Variants in NR3C2 observed in about 807,000 individuals in gnomAD.
NR3C2 encodes the protein nuclear receptor subfamily 3 group C member 2.
A neutral mutation model predicts 86.4 loss-of-function variants in NR3C2; 15 were observed. That is an observed-to-expected ratio of 0.17 (90% CI 0.12 to 0.27). The LOEUF is 0.27. Among genes scored for constraint, NR3C2 ranks in the 10% least tolerant of loss-of-function variants. The pLI is 1.00. For synonymous variants in NR3C2, 458 were observed against 450.5 expected, an observed-to-expected ratio of 1.02 and a Z score of -0.21; for missense variants, 960 against 1,195.6, an observed-to-expected ratio of 0.80 and a Z score of 2.91.
intron 3 of NR3C2, among the ~76,000 whole-genome samples, chr4:148,240,933 T>C (rs1460957522): frequency 5.9e-5 from 9 of 152,132 alleles, no homozygotes; most frequent in Admixed American, 1.3e-4. Flanking sequence ...GATTTCCTGT[T>C]AGGATGAGGT....
At chr4:148,139,734 A>C (rs1351902430) in intron 6 of NR3C2, among the ~76,000 whole-genome samples, 1 of 152,202 alleles carries the variant, frequency 6.6e-6, no homozygotes, top group East Asian at 1.9e-4. Flanking sequence ...GGGTCTCCAA[A>C]TATGACCTTC....
intron 2 of NR3C2, among the ~76,000 whole-genome samples, chr4:148,406,370 G>A (rs529206428): frequency 1.3e-5 from 2 of 152,216 alleles, no homozygotes; most frequent in East Asian, 1.9e-4. Flanking sequence ...GTCAGAGTTC[G>A]GAATGCCTTC....
intron 2 of NR3C2, among the ~76,000 whole-genome samples, chr4:148,402,469 G>C (rs1311541500): frequency 1.3e-5 from 2 of 152,186 alleles, no homozygotes; most frequent in African/African-American, 4.8e-5. Flanking sequence ...CAGGTTTACT[G>C]TAAGACATAA....
intron 3 of NR3C2, among the ~76,000 whole-genome samples, chr4:148,256,425 T>C (rs1739836374): frequency 6.6e-6 from 1 of 152,212 alleles, no homozygotes; most frequent in Non-Finnish European, 1.5e-5. Context: ...AGGATAGTAA[T>C]AATCTAGTAT....
chr4:148,204,481 G>T (rs1736900209), intron 3 of NR3C2, among the ~76,000 whole-genome samples: 1 of 152,064 alleles, frequency 6.6e-6, no homozygotes, highest in Non-Finnish European at 1.5e-5. Flanking sequence ...AAATCCTATG[G>T]GGGGAGTCCT....
chr4:148,325,392 G>A (rs1743910579), intron 2 of NR3C2, among the ~76,000 whole-genome samples: 1 of 152,204 alleles, frequency 6.6e-6, no homozygotes, highest in Non-Finnish European at 1.5e-5. Flanking sequence ...CTGTGTATGT[G>A]TGTTTTAACT....
At chr4:148,317,759 T>C (rs1314323579) in intron 2 of NR3C2, among the ~76,000 whole-genome samples, 1 of 97,570 alleles carries the variant, frequency 1.0e-5, no homozygotes, top group Non-Finnish European at 2.0e-5. Context: ...CTAATAGATC[T>C]GCAGAAAAAG....
chr4:148,152,719 C>G (rs1181949431), intron 5 of NR3C2, 106 bp from the exon 6 acceptor site: 22 of 1,125,302 alleles, frequency 2.0e-5, no homozygotes, highest in Non-Finnish European at 1.3e-5. Flanking sequence ...TTTCACTTTT[C>G]TCTTTTCTGA....
chr4:148,353,936 T>C (rs1745426286), intron 2 of NR3C2, among the ~76,000 whole-genome samples: 1 of 152,196 alleles, frequency 6.6e-6, no homozygotes, highest in Admixed American at 6.5e-5. Flanking sequence ...TAGGGATGAA[T>C]ACCTCTTTCA....
chr4:148,311,639 G>A (rs1742904217), intron 2 of NR3C2, among the ~76,000 whole-genome samples: 1 of 152,274 alleles, frequency 6.6e-6, no homozygotes, highest in South Asian at 2.1e-4. Flanking sequence ...GTAATCTTGA[G>A]ACATATGAGT....
At chr4:148,200,709 T>C (rs2149807920) in intron 3 of NR3C2, among the ~76,000 whole-genome samples, 2 of 152,320 alleles carry the variant, frequency 1.3e-5, no homozygotes, top group Middle Eastern at 6.8e-3. Context: ...ATGAAAATAA[T>C]ATACCACACA....
intron 8 of NR3C2, among the ~76,000 whole-genome samples, chr4:148,087,231 A>C (rs1730855412): frequency 6.6e-6 from 1 of 151,762 alleles, no homozygotes; most frequent in Non-Finnish European, 1.5e-5. Flanking sequence ...GACATCTTCA[A>C]GTCTCAAGGA....
At chr4:148,403,929 A>G (rs1322868766) in intron 2 of NR3C2, among the ~76,000 whole-genome samples, 1 of 152,116 alleles carries the variant, frequency 6.6e-6, no homozygotes, top group Non-Finnish European at 1.5e-5. Flanking sequence ...TTAAATATGT[A>G]AAGTTTCACC....
At chr4:148,100,454 A>T (rs949184623) in intron 8 of NR3C2, among the ~76,000 whole-genome samples, 1 of 152,254 alleles carries the variant, frequency 6.6e-6, no homozygotes, top group Non-Finnish European at 1.5e-5. Context: ...ACAAATGGCC[A>T]TTAGCGCCTG....
chr4:148,295,987 A>T (rs989433265), intron 2 of NR3C2, among the ~76,000 whole-genome samples: 2 of 136,598 alleles, frequency 1.5e-5, no homozygotes, highest in Admixed American at 1.7e-4. Context: ...ACAGAAGACA[A>T]TTTTATTCAA....
chr4:148,099,750 G>T (rs547363325), intron 8 of NR3C2, among the ~76,000 whole-genome samples: 1 of 152,248 alleles, frequency 6.6e-6, no homozygotes, highest in African/African-American at 2.4e-5. Flanking sequence ...TGACACAGGT[G>T]TTAGACAATA....
chr4:148,314,462 T>C (rs748931111), intron 2 of NR3C2, among the ~76,000 whole-genome samples: 12 of 152,192 alleles, frequency 7.9e-5, no homozygotes, highest in Non-Finnish European at 1.6e-4. Flanking sequence ...GTTTTTACCA[T>C]TAAATGGCCT....
At chr4:148,133,149 G>T (rs1733110815) in intron 6 of NR3C2, among the ~76,000 whole-genome samples, 1 of 151,220 alleles carries the variant, frequency 6.6e-6, no homozygotes, top group Admixed American at 6.6e-5. Context: ...GCCATGATAG[G>T]GCCACTGCAC....
At chr4:148,327,492 C>A (rs1744029523) in intron 2 of NR3C2, among the ~76,000 whole-genome samples, 1 of 152,154 alleles carries the variant, frequency 6.6e-6, no homozygotes, top group Non-Finnish European at 1.5e-5. Context: ...ACTGTGTGTT[C>A]TGGAGCACCT....
Sources: gnomAD v4.1 joint callset for allele counts (sites outside exome capture counted in the v4.1 genomes callset) on GRCh38, gnomAD v4.1.1 for gene constraint, MANE v1.5 for transcripts, NCBI Gene and HGNC (gene_info 2026-07-23, HGNC 2026-07-21) for gene names.